Variants in NCLN observed in about 807,000 individuals in gnomAD.
The protein encoded by NCLN is nicalin.
NCLN carries 34 observed loss-of-function variants against 69.5 expected under a neutral mutation model. The ratio of observed to expected loss-of-function variants is 0.49; its 90% CI spans 0.37 to 0.65. NCLN has a LOEUF of 0.65. NCLN is among the 30% of genes least tolerant of loss of function. The pLI, the probability that NCLN is intolerant of heterozygous loss-of-function variation, is 0.00. For missense variants in NCLN, 710 were observed against 804.8 expected, an observed-to-expected ratio of 0.88 and a Z score of 1.42; for synonymous variants, 393 against 358.3, an observed-to-expected ratio of 1.10 and a Z score of -1.09.
chr19:3,196,945 G>A (rs963971252), intron 4 of NCLN, among the ~76,000 whole-genome samples: 2 of 152,252 alleles, frequency 1.3e-5, no homozygotes, highest in African/African-American at 2.4e-5. Flanking sequence ...TGAACAAGAC[G>A]TGCTTGCTGT....
At chr19:3,204,267 T>G in intron 8 of NCLN, 123 bp downstream of exon 8, 1 of 1,233,842 alleles carries the variant, frequency 8.1e-7, no homozygotes, top group Non-Finnish European at 1.1e-6. Flanking sequence ...GGCCACACTG[T>G]GTCGGGGTCG....
In NCLN at chr19:3,192,636, C is replaced by T. The variant is rs61738952; in HGVS notation, c.351C>T (p.Ala117=). The part of the protein sequence containing the change: ...AVVIILPRAM[A]AVPQDVVRQF... ...TCATCATCCTGCCCAGGGCCATGGC[C>T]GCCGTGCCCCAGGACGTCGTCCGGG... The change falls in exon 2 of 15, where the codon GCC becomes GCT. Residue 117 remains alanine (A), a synonymous_variant. Coordinates refer to ENST00000246117, the MANE Select transcript of NCLN (RefSeq NM_020170.4). 8.5e-4 allele frequency: 1,340 copies of T among 1,571,010 alleles called. 19 individuals are homozygous for T. The African/African-American group carries it at 0.016, about 19-fold the overall frequency.
intron 7 of NCLN, 65 bp from the exon 8 acceptor site, chr19:3,203,940 C>G (rs1916190939): frequency 4.5e-6 from 7 of 1,556,520 alleles, no homozygotes; most frequent in Non-Finnish European, 5.2e-6. Flanking sequence ...CCAGGAGGCA[C>G]AGAGGGAGGG....
In NCLN at chr19:3,209,049, TC is replaced by T. The variant is rs1395137625; in HGVS notation, c.*1364del. The T allele has an allele frequency of 1.3e-5, 2 of 152,120 alleles. No homozygotes were observed. Among genetic ancestry groups the T allele is most frequent in the African/African-American group, 4.8e-5 (2 of 41,406 alleles). The allele number at this position is 152,120 out of a possible 1,614,324, so 9.4% of individuals were successfully genotyped here. The stretch of plus-strand genomic sequence containing the variant: ...TCCTGGCCTGGCACCCGCAGCCGTC[TC>T]CCTTCCGTGGCCCAGGGAGGTGTTT... On this transcript the variant is annotated 3_prime_UTR_variant, in exon 15 of 15. Coordinates refer to ENST00000246117, the MANE Select transcript of NCLN (RefSeq NM_020170.4).
intron 5 of NCLN, among the ~76,000 whole-genome samples, chr19:3,200,741 C>T (rs1916105091): frequency 6.6e-6 from 1 of 152,132 alleles, no homozygotes; most frequent in Non-Finnish European, 1.5e-5. Flanking sequence ...CAAAAAGCAG[C>T]CCCTCCCCAT....
intron 4 of NCLN, 81 bp downstream of exon 4, chr19:3,196,358 T>C: frequency 9.5e-7 from 1 of 1,047,122 alleles, no homozygotes; most frequent in Non-Finnish European, 1.4e-6. Context: ...TCGGCCGTAC[T>C]AGAGGGGAGC....
rs530291172 is a variant in NCLN at position 3,185,975 on chromosome 19, C to A, written c.-56C>A. 6.6e-4 allele frequency: 893 copies of A among 1,354,014 alleles called. 9 individuals are homozygous for A. In the African/African-American group the frequency reaches 0.012, roughly 18 times the overall value. 83.9% of individuals were successfully genotyped at this position (1,354,014 alleles called of 1,614,324 possible). On this transcript the variant is annotated 5_prime_UTR_variant, in exon 1 of 15. Coordinates refer to ENST00000246117, the MANE Select transcript of NCLN (RefSeq NM_020170.4). Reference sequence around the variant, plus strand: ...TGCCGAGGTGAGTCCGCGGGAGCCGCCGCCGCCGCCGTCCCGTCCCAGCTG... The same window carrying A: ...TGCCGAGGTGAGTCCGCGGGAGCCGACGCCGCCGCCGTCCCGTCCCAGCTG...
chr19:3,186,494 G>T (rs1395105960), intron 1 of NCLN, among the ~76,000 whole-genome samples: 1 of 152,048 alleles, frequency 6.6e-6, no homozygotes, highest in Non-Finnish European at 1.5e-5. Context: ...AGCGTCCCGC[G>T]TCCCTGGAGC....
chr19:3,201,638 G>A lies in NCLN; in HGVS notation c.800+12G>A. On this transcript the variant is annotated intron_variant, in intron 6 of 14. Transcript: ENST00000246117. ...CGCACGCACGCCGCGTGAGTGCCGGGGTGGGCAGGGGGATGGGGGTGCGGG... is the reference window on the plus strand; with the variant it reads ...CGCACGCACGCCGCGTGAGTGCCGGAGTGGGCAGGGGGATGGGGGTGCGGG... The A allele has an allele frequency of 6.5e-7, 1 of 1,527,516 alleles. No individual in the cohort carries two copies. Among genetic ancestry groups the A allele is most frequent in the Non-Finnish European group, 8.8e-7 (1 of 1,140,934 alleles). The allele number at this position is 1,527,516 out of a possible 1,614,324, so 94.6% of individuals were successfully genotyped here.
chr19:3,198,530 C>CA (rs869156808), intron 4 of NCLN, among the ~76,000 whole-genome samples: 88 of 143,370 alleles, frequency 6.1e-4, no homozygotes, highest in Non-Finnish European at 6.3e-4. Flanking sequence ...AAAACACAAA[C>CA]AAAAAAAAAA....
chr19:3,188,391 T>C (rs12610358), intron 1 of NCLN, among the ~76,000 whole-genome samples: 35,977 of 152,092 alleles, frequency 0.24, 4,767 homozygotes, highest in East Asian at 0.6. Context: ...AGCAGATGTC[T>C]CCCCGTTCCA....
rs1176891808 is a variant in NCLN, at chr19:3,208,283, CT to C, written c.*596del. 2 of 152,382 alleles carry C rather than the reference CT, an allele frequency of 1.3e-5. No homozygotes were observed. Among genetic ancestry groups the C allele is most frequent in the Non-Finnish European group, 2.9e-5 (2 of 68,120 alleles). The allele number at this position is 152,382 out of a possible 1,614,324, so 9.4% of individuals were successfully genotyped here. A position where few individuals can be genotyped will look rare whatever the true frequency, so the allele number is the denominator to read the frequency against. On this transcript the variant is annotated 3_prime_UTR_variant, in exon 15 of 15. Transcript: ENST00000246117. The stretch of plus-strand genomic sequence containing the variant: ...CATGTGGTCTCAGTGACCCGTCCCC[CT>C]GACAGTGGGCTCGGGGAGCTGCATC...
At chr19:3,197,820 C>T (rs963016521) in intron 4 of NCLN, among the ~76,000 whole-genome samples, 3 of 152,168 alleles carry the variant, frequency 2.0e-5, no homozygotes, top group Non-Finnish European at 4.4e-5. Flanking sequence ...GGGGTTTCAC[C>T]ATGCTGGCCA....
chr19:3,197,809 CGG>C (rs1916007286), intron 4 of NCLN, among the ~76,000 whole-genome samples: 1 of 152,084 alleles, frequency 6.6e-6, no homozygotes, highest in African/African-American at 2.4e-5. Context: ...TTGGTAGAGA[CGG>C]GGTTTCACCA....
chr19:3,196,205 C>T lies in NCLN; in HGVS notation c.543C>T (p.Ala181=), dbSNP rs897110852. 2.9e-5 allele frequency: 45 copies of T among 1,554,722 alleles called. No homozygotes were observed. The African/African-American group carries it at 5.0e-4, about 17-fold the overall frequency. ...AAEVLLRTAT[A]NGFQMVTSGV... is the part of the protein sequence containing the mutation. ...TAGTACTGCTGCGCACGGCCACTGC[C>T]AACGGCTTCCAGATGGTCACCAGCG... is the stretch of plus-strand genomic sequence containing the variant. Residue 181 remains alanine, a synonymous_variant, in exon 4 of 15, where the codon GCC becomes GCT. Transcript: ENST00000246117.
In NCLN at chr19:3,204,630, C is replaced by G. The variant is rs1176220772; in HGVS notation, c.1087C>G (p.Leu363Val). 1.2e-6 allele frequency: 2 copies of G among 1,606,086 alleles called. No individual in the cohort carries two copies. Among genetic ancestry groups the G allele is most frequent in the African/African-American group, 1.3e-5 (1 of 74,594 alleles). ...RFSMVHKRIN[L>V]AEDVLAWEHE... Reference sequence around the variant, plus strand: ...CTCCATGGTGCACAAGCGGATCAACCTGGCGGAGGACGTGCTGGCCTGGGA... The same window carrying G: ...CTCCATGGTGCACAAGCGGATCAACGTGGCGGAGGACGTGCTGGCCTGGGA... Residue 363 changes from leucine to valine, a missense_variant, in exon 9 of 15, where the codon CTG (leucine) becomes GTG (valine). Physicochemically the swap from Leu to Val is conservative, Grantham distance 32. Transcript: ENST00000246117.
Position 3,187,042 on chromosome 19 carries a change from C to T in NCLN, c.184+828C>T, listed in dbSNP as rs150418269. On this transcript the variant is annotated intron_variant, in intron 1 of 14. Coordinates refer to ENST00000246117, the MANE Select transcript of NCLN (RefSeq NM_020170.4). ...CACTCGCCTGGGGTTCCCTTTGACC[C>T]CCTTTCTGTCCCGCCTTTGATGCAT... Among the ~76,000 whole-genome samples, 652 of 151,942 alleles carry T rather than the reference C, an allele frequency of 4.3e-3. 4 individuals are homozygous for T. Among genetic ancestry groups the T allele is most frequent in the Middle Eastern group, 0.01 (3 of 294 alleles).
intron 4 of NCLN, 65 bp downstream of exon 4, chr19:3,196,342 C>T: frequency 8.0e-7 from 1 of 1,247,464 alleles, no homozygotes; most frequent in Non-Finnish European, 1.1e-6. Flanking sequence ...CGCCTGGCTC[C>T]CCGGCTCGGC....
intron 1 of NCLN, 111 bp from the exon 2 acceptor site, chr19:3,192,359 G>A: frequency 1.2e-6 from 1 of 841,690 alleles, no homozygotes; most frequent in Non-Finnish European, 1.7e-6. Flanking sequence ...CTTCCAGGTT[G>A]TGGGCTGGGG....
Sources: allele counts gnomAD v4.1 joint callset (sites outside exome capture counted in the v4.1 genomes callset), GRCh38; gene constraint gnomAD v4.1.1; transcripts MANE v1.5; gene names NCBI Gene and HGNC (gene_info 2026-07-23, HGNC 2026-07-21).